Variants in NPSR1 observed in about 807,000 individuals in gnomAD.
NPSR1 encodes the protein neuropeptide S receptor.
A neutral mutation model predicts 46.9 loss-of-function variants in NPSR1; 48 were observed. The observed-to-expected ratio is 1.02, with a 90% confidence interval of 0.81 to 1.30. The LOEUF (loss-of-function observed/expected upper bound fraction) is 1.30. Ranked by LOEUF, NPSR1 falls within the 50% of genes most tolerant of loss-of-function variation. The probability of loss-of-function intolerance (pLI) is 0.00; values close to 1 mark genes in which losing one functional copy is unlikely to be tolerated. For synonymous variants in NPSR1, 176 were observed against 168.1 expected (o/e 1.05, Z -0.36); for missense variants, 450 against 449.5 (o/e 1.00, Z -0.01).
At chr7:34,781,990 C>A (rs989975407) in intron 3 of NPSR1, among the ~76,000 whole-genome samples, 6 of 152,176 alleles carry the variant, frequency 3.9e-5, no homozygotes, top group Non-Finnish European at 8.8e-5. Context: ...GTCTCCTTGA[C>A]TAATTTATAC....
intron 1 of NPSR1, among the ~76,000 whole-genome samples, chr7:34,662,187 T>C (rs425990): frequency 0.56 from 84,957 of 151,978 alleles, 25,265 homozygotes; most frequent in African/African-American, 0.77. Flanking sequence ...TATCACCTAA[T>C]AACAATCTTT....
chr7:34,697,511 C>T (rs540291621), intron 2 of NPSR1, among the ~76,000 whole-genome samples: 172 of 151,976 alleles, frequency 1.1e-3, no homozygotes, highest in South Asian at 1.9e-3. Context: ...TTCGAGGATG[C>T]TTAAGTCCCT....
chr7:34,720,403 T>A (rs1280030387), intron 2 of NPSR1, among the ~76,000 whole-genome samples: 1 of 152,078 alleles, frequency 6.6e-6, no homozygotes, highest in East Asian at 1.9e-4. Flanking sequence ...GCAAGCAGAA[T>A]GTGGACTCTA....
intron 2 of NPSR1, among the ~76,000 whole-genome samples, chr7:34,693,707 T>C (rs1213532875): frequency 6.6e-6 from 1 of 152,010 alleles, no homozygotes; most frequent in Non-Finnish European, 1.5e-5. Context: ...AAAAACCCAC[T>C]ACAGGCCAAT....
intron 2 of NPSR1, among the ~76,000 whole-genome samples, chr7:34,764,374 G>A (rs1262513194): frequency 6.6e-6 from 1 of 152,162 alleles, no homozygotes; most frequent in African/African-American, 2.4e-5. Flanking sequence ...CTCTAGACCA[G>A]AGGTCTGCAA....
intron 4 of NPSR1, among the ~76,000 whole-genome samples, chr7:34,820,600 A>G (rs1275827298): frequency 6.6e-6 from 1 of 152,180 alleles, no homozygotes; most frequent in Admixed American, 6.5e-5. Context: ...GGAGGTCATG[A>G]GAATATGTGC....
chr7:34,758,457 C>A (rs1278079103), intron 2 of NPSR1, among the ~76,000 whole-genome samples: 1 of 152,200 alleles, frequency 6.6e-6, no homozygotes, highest in East Asian at 1.9e-4. Context: ...AATATAACAG[C>A]AGCCCTTGCT....
intron 3 of NPSR1, among the ~76,000 whole-genome samples, chr7:34,798,078 T>C (rs1200409872): frequency 6.6e-6 from 1 of 152,074 alleles, no homozygotes; most frequent in African/African-American, 2.4e-5. Flanking sequence ...CACAAATCAA[T>C]ATAAAGGAAG....
exon 9 of NPSR1, chr7:34,878,279 C>T: frequency 1.5e-6 from 1 of 676,020 alleles, no homozygotes; most frequent in East Asian, 2.8e-5. Flanking sequence ...CAAAATGGGT[C>T]ACAGCAGGAT....
intron 2 of NPSR1, among the ~76,000 whole-genome samples, chr7:34,755,207 T>C (rs1268201303): frequency 6.6e-6 from 1 of 152,226 alleles, no homozygotes; most frequent in Non-Finnish European, 1.5e-5. Context: ...CAGTTTTATA[T>C]TCCCACCAGC....
intron 2 of NPSR1, among the ~76,000 whole-genome samples, chr7:34,717,455 A>G (rs528737078): frequency 6.1e-4 from 93 of 152,340 alleles, no homozygotes; most frequent in African/African-American, 2.2e-3. Context: ...ATCAGTCAGT[A>G]TACCTCAGTA....
At chr7:34,859,780 A>G (rs556867920) in intron 8 of NPSR1, among the ~76,000 whole-genome samples, 1 of 151,930 alleles carries the variant, frequency 6.6e-6, no homozygotes, top group East Asian at 1.9e-4. Context: ...GGTTCTGGGT[A>G]GAACATGGAA....
chr7:34,712,633 T>C (rs1450209744), intron 2 of NPSR1, among the ~76,000 whole-genome samples: 1 of 152,182 alleles, frequency 6.6e-6, no homozygotes, highest in Non-Finnish European at 1.5e-5. Context: ...TGGAATGGAA[T>C]AAATTAGAGC....
In NPSR1 at chr7:34,858,734, T is replaced by C. The variant is rs554548184; in HGVS notation, c.1025+10071T>C. Among the ~76,000 whole-genome samples the C allele has an allele frequency of 1.6e-4, 24 of 151,692 alleles. 1 individual carries two copies. Among genetic ancestry groups the C allele is most frequent in the African/African-American group, 5.6e-4 (23 of 41,042 alleles). On this transcript the variant is annotated intron_variant, in intron 8 of 8. Transcript: ENST00000359791. Reference sequence around the variant, plus strand: ...AAAGAAACTCCCATTTTTAAAACCATCAGATCTCGTAAGACCCATTCACTA... The same window carrying C: ...AAAGAAACTCCCATTTTTAAAACCACCAGATCTCGTAAGACCCATTCACTA...
chr7:34,671,599 G>A (rs971805667), intron 1 of NPSR1, among the ~76,000 whole-genome samples: 3 of 152,150 alleles, frequency 2.0e-5, no homozygotes, highest in African/African-American at 7.2e-5. Flanking sequence ...TGTATGAATT[G>A]AGTGCACACC....
At chr7:34,827,661 T>C in intron 5 of NPSR1, 59 bp downstream of exon 5, 1 of 954,352 alleles carries the variant, frequency 1.0e-6, no homozygotes. Context: ...GCTTTCCTGT[T>C]TCTCCAGCTG....
At chr7:34,820,629 A>C (rs1789507352) in intron 4 of NPSR1, among the ~76,000 whole-genome samples, 1 of 152,178 alleles carries the variant, frequency 6.6e-6, no homozygotes, top group African/African-American at 2.4e-5. Flanking sequence ...GTCAGGGTGC[A>C]GCTTGGTTTT....
At chr7:34,725,530 G>T (rs148821448) in intron 2 of NPSR1, among the ~76,000 whole-genome samples, 1 of 152,178 alleles carries the variant, frequency 6.6e-6, no homozygotes, top group Non-Finnish European at 1.5e-5. Flanking sequence ...ATAAGTTAAC[G>T]CATCCCAGAG....
At chr7:34,724,130 T>C (rs1406348761) in intron 2 of NPSR1, among the ~76,000 whole-genome samples, 3 of 152,226 alleles carry the variant, frequency 2.0e-5, no homozygotes, top group Non-Finnish European at 4.4e-5. Context: ...TACTAGCTCA[T>C]TTCTCCAAAA....
Sources: allele counts gnomAD v4.1 joint callset (sites outside exome capture counted in the v4.1 genomes callset), GRCh38; gene constraint gnomAD v4.1.1; transcripts MANE v1.5; gene names NCBI Gene and HGNC (gene_info 2026-07-23, HGNC 2026-07-21).